TOP2B: variants seen among roughly 807,000 people sequenced by gnomAD.
TOP2B encodes DNA topoisomerase 2-beta.
Under a neutral mutation model 193.5 loss-of-function variants are expected in TOP2B, and 51 were observed. The ratio of observed to expected loss-of-function variants is 0.26; its 90% CI spans 0.21 to 0.33. TOP2B has a LOEUF of 0.33. Ranked by LOEUF, TOP2B falls within the 10% of genes least tolerant of loss-of-function variation. TOP2B has a pLI of 1.00. For missense variants in TOP2B, 1,378 were observed against 1,909.3 expected (o/e 0.72, Z 5.19); for synonymous variants, 634 against 635.7 (o/e 1.00, Z 0.04).
chr3:25,626,699 A>G, intron 17 of TOP2B, 25 bp from the exon 18 acceptor site: 1 of 1,497,664 alleles, frequency 6.7e-7, no homozygotes, highest in Non-Finnish European at 9.1e-7. Context: ...ATATAGCAAT[A>G]TTATCATTAT....
chr3:25,626,931 G>C, intron 16 of TOP2B, 67 bp from the exon 17 acceptor site: 1 of 969,204 alleles, frequency 1.0e-6, no homozygotes, highest in Non-Finnish European at 1.5e-6. Flanking sequence ...AAATTAAAAT[G>C]TATAAGTGGC....
intron 33 of TOP2B, 129 bp from the exon 34 acceptor site, chr3:25,601,354 AC>A: frequency 8.6e-7 from 1 of 1,157,528 alleles, no homozygotes; most frequent in Non-Finnish European, 1.2e-6. Flanking sequence ...GTGGTGGCTC[AC>A]ACCTGTAATG....
At chr3:25,620,943 C>T in intron 21 of TOP2B, 127 bp from the exon 22 acceptor site, 1 of 989,538 alleles carries the variant, frequency 1.0e-6, no homozygotes, top group South Asian at 1.8e-5. Context: ...CCCTTTCCAA[C>T]TGATCAATTA....
At position 25,623,547 on chromosome 3, in the gene TOP2B, G is replaced by T; in HGVS notation, c.2695C>A (p.Arg899=). The T allele has an allele frequency of 1.9e-6, 3 of 1,613,872 alleles. No homozygotes were observed. Among genetic ancestry groups the T allele is most frequent in the Middle Eastern group, 1.6e-4 (1 of 6,062 alleles). The change falls in exon 21 of 36, where the codon CGA becomes AGA. Residue 899 remains arginine (R), a synonymous_variant. Transcript: ENST00000264331. The stretch of plus-strand genomic sequence containing the variant: ...TGAGGATCCAGGCCATCTAGCATTC[G>T]TCTGACATTGTTCACAATTTCCCTA... The part of the protein sequence containing the change: ...DAREIVNNVR[R]MLDGLDPHPM...
At chr3:25,599,074 T>TA (rs557378753) in intron 35 of TOP2B, among the ~76,000 whole-genome samples, 15 of 149,522 alleles carry the variant, frequency 1.0e-4, no homozygotes, top group South Asian at 2.1e-4. Flanking sequence ...TGAATTCAAT[T>TA]AAAAAAAAAA....
In TOP2B at chr3:25,623,766, G is replaced by C; in HGVS notation, c.2496-20C>G. 1 of 1,517,612 alleles carries C rather than the reference G, an allele frequency of 6.6e-7. No individual in the cohort carries two copies. The highest frequency in any genetic ancestry group is 1.4e-5 in the African/African-American group (1 of 72,158). The allele number at this position is 1,517,612 out of a possible 1,614,324, so 94.0% of individuals were successfully genotyped here. On this transcript the variant is annotated intron_variant, in intron 20 of 35. Transcript: ENST00000264331. ...AAAGTGCTAATGAAAACAAAAAGAA[G>C]CAAATGAAAAAATGTCATGGCTTTG...
Position 25,664,739 on chromosome 3 carries a change from C to A in TOP2B, c.-442G>T. The A allele has an allele frequency of 1.0e-6, 1 of 987,788 alleles. No homozygotes were observed. Among genetic ancestry groups the A allele is most frequent in the Non-Finnish European group, 1.2e-6 (1 of 830,378 alleles). The allele number at this position is 987,788 out of a possible 1,614,324, so 61.2% of individuals were successfully genotyped here. ...TCACACTCCGCGAAGGCCAGCCACT[C>A]GAGTCGCCAGAGTAGTCGTCCCGGT... On this transcript the variant is annotated 5_prime_UTR_variant, in exon 1 of 36. Coordinates refer to ENST00000264331, the MANE Select transcript of TOP2B (RefSeq NM_001330700.2).
intron 1 of TOP2B, among the ~76,000 whole-genome samples, chr3:25,660,858 T>C (rs1273625937): frequency 6.6e-6 from 1 of 152,196 alleles, no homozygotes; most frequent in East Asian, 1.9e-4. Context: ...TACAATGTTA[T>C]TTGTGGTTAT....
intron 30 of TOP2B, among the ~76,000 whole-genome samples, chr3:25,607,962 T>C (rs1702275829): frequency 6.6e-6 from 1 of 152,078 alleles, no homozygotes; most frequent in African/African-American, 2.4e-5. Flanking sequence ...TTTAAAAAAT[T>C]GTTTTAGACA....
chr3:25,607,209 T>A lies in TOP2B; in HGVS notation c.4260A>T (p.Glu1420Asp), dbSNP rs1441252536. The change falls in exon 31 of 36, where the codon GAA (glutamate) becomes GAT (aspartate). Residue 1420 changes from glutamate to aspartate, a missense_variant. By Grantham distance (45) the Glu-to-Asp change is conservative. Around this residue, in one of 9 missense-constraint regions of TOP2B, gnomAD observed 556 missense variants for 584.2 expected, o/e 0.95. Transcript: ENST00000264331. ...TTGATTTGCCTGGTGAAAATGTATATTCATCTTTATCTAACCCATCTGAAG... is the reference window on the plus strand; with the variant it reads ...TTGATTTGCCTGGTGAAAATGTATAATCATCTTTATCTAACCCATCTGAAG... The part of the protein sequence containing the change: ...FVPSDGLDKD[E>D]YTFSPGKSKA... The A allele has an allele frequency of 6.2e-7, 1 of 1,612,518 alleles. No individual in the cohort carries two copies. Among genetic ancestry groups the A allele is most frequent in the South Asian group, 1.1e-5 (1 of 90,840 alleles).
At chr3:25,661,232 C>G (rs1467109554) in intron 1 of TOP2B, among the ~76,000 whole-genome samples, 1 of 152,172 alleles carries the variant, frequency 6.6e-6, no homozygotes, top group African/African-American at 2.4e-5. Context: ...CTCCTGACCT[C>G]AGGTGATCCG....
chr3:25,609,455 A>G, intron 29 of TOP2B, 111 bp from the exon 30 acceptor site: 4 of 1,463,204 alleles, frequency 2.7e-6, no homozygotes, highest in Non-Finnish European at 3.6e-6. Context: ...GTTTATGAAA[A>G]TTGAAGGCAT....
intron 1 of TOP2B, among the ~76,000 whole-genome samples, chr3:25,657,917 C>T (rs57802029): frequency 0.12 from 15,437 of 133,286 alleles, 1,333 homozygotes; most frequent in African/African-American, 0.27. Flanking sequence ...AAAAATTAGC[C>T]GGGCGTAGTG....
At chr3:25,634,788 AAAAAAAAAAC>A (rs764444818) in intron 7 of TOP2B, among the ~76,000 whole-genome samples, 3 of 143,178 alleles carry the variant, frequency 2.1e-5, no homozygotes, top group African/African-American at 5.2e-5. Context: ...CAAAAAAAAA[AAAAAAAAAAC>A]CAAAAAAAGG....
At position 25,632,400 on chromosome 3, in the gene TOP2B, A is replaced by G. The variant is rs1170818760; in HGVS notation, c.1266+46T>C. The stretch of plus-strand genomic sequence containing the variant: ...TAAAGTAAATCAAGAAAACTACCTA[A>G]TCAACTCTTAATAACAACAATAAAA... On this transcript the variant is annotated intron_variant, in intron 10 of 35. Coordinates refer to ENST00000264331, the MANE Select transcript of TOP2B (RefSeq NM_001330700.2). The G allele has an allele frequency of 2.7e-6, 4 of 1,460,174 alleles. No individual in the cohort carries two copies. In the East Asian group the frequency reaches 7.4e-5, roughly 27 times the overall value. 90.5% of individuals were successfully genotyped at this position (1,460,174 alleles called of 1,614,324 possible).
intron 27 of TOP2B, among the ~76,000 whole-genome samples, chr3:25,613,736 A>G (rs1240946880): frequency 3.3e-5 from 5 of 152,136 alleles, no homozygotes; most frequent in African/African-American, 1.2e-4. Flanking sequence ...TCAAAAAAAA[A>G]AAACAAAAAA....
At chr3:25,625,159 T>C (rs969686656) in intron 18 of TOP2B, 4 of 165,356 alleles carry the variant, frequency 2.4e-5, no homozygotes, top group African/African-American at 7.2e-5. Flanking sequence ...GCTAACTAAA[T>C]TGCCAGCATG....
chr3:25,606,019 A>G, intron 32 of TOP2B, 24 bp downstream of exon 32: 1 of 1,330,456 alleles, frequency 7.5e-7, no homozygotes, highest in Non-Finnish European at 1.0e-6. Flanking sequence ...TACAATAACC[A>G]ATGAAAAGAC....
intron 34 of TOP2B, among the ~76,000 whole-genome samples, chr3:25,600,369 T>C (rs1171936645): frequency 6.6e-6 from 1 of 152,142 alleles, no homozygotes; most frequent in Non-Finnish European, 1.5e-5. Context: ...ATCAGGGAAA[T>C]AGCATTTTTG....
Sources: gnomAD v4.1 joint callset for allele counts (sites outside exome capture counted in the v4.1 genomes callset) on GRCh38, gnomAD v4.1.1 for gene constraint, gnomAD v4.1.1 regional missense constraint, MANE v1.5 for transcripts, NCBI Gene and HGNC (gene_info 2026-07-23, HGNC 2026-07-21) for gene names.